Variants in CAMK4 observed in about 807,000 individuals in gnomAD.
The protein encoded by CAMK4 is calcium/calmodulin dependent protein kinase IV.
A neutral mutation model predicts 44.9 loss-of-function variants in CAMK4; 22 were observed. That is an observed-to-expected ratio of 0.49 (90% CI 0.35 to 0.70). CAMK4 has a LOEUF of 0.70. Among genes scored for constraint, CAMK4 ranks in the 30% least tolerant of loss-of-function variants. CAMK4 has a pLI of 0.01. For synonymous variants in CAMK4, 218 were observed against 215.4 expected, an observed-to-expected ratio of 1.01 and a Z score of -0.11; for missense variants, 498 against 586.8, an observed-to-expected ratio of 0.85 and a Z score of 1.56.
chr5:111,422,757 A>G (rs1753078555), intron 5 of CAMK4, among the ~76,000 whole-genome samples: 2 of 152,056 alleles, frequency 1.3e-5, no homozygotes, highest in East Asian at 1.9e-4. Flanking sequence ...ATGTATTTGT[A>G]TTTGTTTTTA....
At chr5:111,296,574 A>G (rs1747492493) in intron 1 of CAMK4, among the ~76,000 whole-genome samples, 2 of 152,230 alleles carry the variant, frequency 1.3e-5, no homozygotes, top group Admixed American at 6.6e-5. Flanking sequence ...TGTTCTACCA[A>G]AAATAATTTG....
At chr5:111,226,879 C>T (rs1748217006) in intron 1 of CAMK4, among the ~76,000 whole-genome samples, 1 of 152,114 alleles carries the variant, frequency 6.6e-6, no homozygotes, top group Non-Finnish European at 1.5e-5. Flanking sequence ...TCATAAAAGT[C>T]GAAAAATTGT....
intron 7 of CAMK4, among the ~76,000 whole-genome samples, chr5:111,459,704 T>C (rs1240697061): frequency 1.4e-5 from 2 of 142,928 alleles, no homozygotes; most frequent in Admixed American, 1.4e-4. Flanking sequence ...TTTTTTTTTT[T>C]TTTTTTTTGA....
intron 5 of CAMK4, among the ~76,000 whole-genome samples, chr5:111,439,020 C>G (rs985632529): frequency 2.6e-5 from 4 of 152,182 alleles, no homozygotes; most frequent in African/African-American, 7.2e-5. Flanking sequence ...GGGTCATGCT[C>G]TCTCCACAAA....
intron 5 of CAMK4, among the ~76,000 whole-genome samples, chr5:111,442,293 A>G (rs532987387): frequency 1.3e-5 from 2 of 152,284 alleles, no homozygotes; most frequent in South Asian, 4.1e-4. Context: ...CAGGGGTTAG[A>G]GACCAAGCTG....
intron 2 of CAMK4, among the ~76,000 whole-genome samples, chr5:111,370,746 C>T (rs936880661): frequency 1.3e-5 from 2 of 152,080 alleles, no homozygotes; most frequent in African/African-American, 4.8e-5. Context: ...GAAACCCCGT[C>T]TCTACCAGAA....
At chr5:111,483,819 A>G (rs1347787730) in intron 10 of CAMK4, among the ~76,000 whole-genome samples, 2 of 152,216 alleles carry the variant, frequency 1.3e-5, no homozygotes, top group South Asian at 2.1e-4. Context: ...ATGATTAAAT[A>G]CACTAATTTG....
intron 2 of CAMK4, among the ~76,000 whole-genome samples, chr5:111,367,921 C>G (rs1336729412): frequency 6.6e-6 from 1 of 151,996 alleles, no homozygotes; most frequent in East Asian, 1.9e-4. Context: ...GTCTTTATAG[C>G]TCATTAGGAT....
chr5:111,251,658 T>G (rs917664674), intron 1 of CAMK4, among the ~76,000 whole-genome samples: 2 of 152,234 alleles, frequency 1.3e-5, no homozygotes, highest in Non-Finnish European at 2.9e-5. Context: ...ATGCTTTTCC[T>G]TTGCTTCTTA....
chr5:111,481,195 G>A (rs1258711326), intron 9 of CAMK4, among the ~76,000 whole-genome samples: 1 of 152,084 alleles, frequency 6.6e-6, no homozygotes, highest in Non-Finnish European at 1.5e-5. Flanking sequence ...TTGTATTTTT[G>A]TGAGGAAGAT....
chr5:111,392,108 T>C (rs181264689), intron 4 of CAMK4, among the ~76,000 whole-genome samples: 413 of 152,328 alleles, frequency 2.7e-3, no homozygotes, highest in South Asian at 6.8e-3. Context: ...AAGTTCATAC[T>C]AGCTGGATTG....
At chr5:111,396,759 G>C (rs1158324181) in intron 5 of CAMK4, among the ~76,000 whole-genome samples, 1 of 144,080 alleles carries the variant, frequency 6.9e-6, no homozygotes, top group African/African-American at 2.6e-5. Context: ...TCCTGCCTCA[G>C]CCTCCCAAGT....
intron 5 of CAMK4, among the ~76,000 whole-genome samples, chr5:111,426,149 A>G (rs868397475): frequency 8.5e-5 from 13 of 152,202 alleles, no homozygotes; most frequent in Admixed American, 5.2e-4. Context: ...TTCATTGATC[A>G]TATCAAATGA....
chr5:111,329,711 T>A (rs1318869106), intron 1 of CAMK4, among the ~76,000 whole-genome samples: 2 of 151,740 alleles, frequency 1.3e-5, no homozygotes, highest in Non-Finnish European at 2.9e-5. Context: ...CACATTTAGA[T>A]ATTAATGAGA....
At chr5:111,313,900 G>T (rs1405559600) in intron 1 of CAMK4, among the ~76,000 whole-genome samples, 1 of 152,056 alleles carries the variant, frequency 6.6e-6, no homozygotes, top group African/African-American at 2.4e-5. Flanking sequence ...TTTAAATGAT[G>T]TGCGATATGT....
At chr5:111,309,513 C>T (rs183431437) in intron 1 of CAMK4, among the ~76,000 whole-genome samples, 1 of 152,230 alleles carries the variant, frequency 6.6e-6, no homozygotes, top group Non-Finnish European at 1.5e-5. Context: ...TAAAGCTGAA[C>T]CTCCTTAAGC....
chr5:111,310,964 C>T (rs987049601), intron 1 of CAMK4, among the ~76,000 whole-genome samples: 7 of 151,994 alleles, frequency 4.6e-5, no homozygotes, highest in African/African-American at 1.5e-4. Context: ...CACACATATC[C>T]GTTCTAAGAA....
chr5:111,273,122 A>G (rs1750586189), intron 1 of CAMK4, among the ~76,000 whole-genome samples: 1 of 152,068 alleles, frequency 6.6e-6, no homozygotes, highest in South Asian at 2.1e-4. Context: ...AAATTATACA[A>G]CTGTTATCTC....
intron 5 of CAMK4, among the ~76,000 whole-genome samples, chr5:111,430,431 T>C (rs1753403005): frequency 6.6e-6 from 1 of 152,226 alleles, no homozygotes; most frequent in East Asian, 1.9e-4. Context: ...GTCACCACTG[T>C]TATTTAACAT....
Sources: allele counts gnomAD v4.1 joint callset (sites outside exome capture counted in the v4.1 genomes callset), GRCh38; gene constraint gnomAD v4.1.1; transcripts MANE v1.5; gene names NCBI Gene and HGNC (gene_info 2026-07-23, HGNC 2026-07-21).